Variants in PARP14 observed in about 807,000 individuals in gnomAD.
PARP14 encodes poly(ADP-ribose) polymerase family member 14.
In PARP14, 59 loss-of-function variants were observed where a neutral mutation model predicts 154.2. The ratio of observed to expected loss-of-function variants is 0.38; its 90% CI spans 0.31 to 0.48. The LOEUF (loss-of-function observed/expected upper bound fraction) is 0.48. Among genes scored for constraint, PARP14 ranks in the 20% least tolerant of loss-of-function variants. The pLI, the probability that PARP14 is intolerant of heterozygous loss-of-function variation, is 0.98. For synonymous variants in PARP14, 720 were observed against 780.5 expected (o/e 0.92, Z 1.29); for missense variants, 1,734 against 2,131.6 (o/e 0.81, Z 3.67).
At chr3:122,723,056 G>A (rs533936428) in intron 15 of PARP14, among the ~76,000 whole-genome samples, 23 of 151,678 alleles carry the variant, frequency 1.5e-4, no homozygotes, top group African/African-American at 4.4e-4. Context: ...CTGCCTCAGC[G>A]TCCCAAGTAG....
At chr3:122,695,397 TTTTC>T (rs1428033109) in intron 4 of PARP14, 25 bp from the exon 5 acceptor site, 2 of 1,108,224 alleles carry the variant, frequency 1.8e-6, no homozygotes, top group Admixed American at 4.8e-5. Flanking sequence ...AATTTACTGA[TTTTC>T]TTTCTTTTTT....
chr3:122,682,907 T>C (rs908847973), intron 1 of PARP14, among the ~76,000 whole-genome samples: 2 of 151,772 alleles, frequency 1.3e-5, no homozygotes, highest in African/African-American at 4.8e-5. Context: ...ACAAAAAAAT[T>C]AGCCGAGCGT....
intron 15 of PARP14, among the ~76,000 whole-genome samples, chr3:122,725,499 A>C (rs1401628865): frequency 6.6e-6 from 1 of 152,204 alleles, no homozygotes; most frequent in Non-Finnish European, 1.5e-5. Context: ...GCTTTTAATA[A>C]TAGTACATTC....
intron 5 of PARP14, among the ~76,000 whole-genome samples, chr3:122,697,654 A>G (rs948767037): frequency 3.3e-5 from 5 of 152,248 alleles, no homozygotes; most frequent in African/African-American, 1.2e-4. Context: ...AAAGGAAAAA[A>G]TTAGGCATTT....
At chr3:122,688,201 G>C (rs1451404715) in intron 3 of PARP14, among the ~76,000 whole-genome samples, 5 of 151,840 alleles carry the variant, frequency 3.3e-5, no homozygotes, top group Admixed American at 6.6e-5. Flanking sequence ...TCTTCTTCTT[G>C]GAAGATGCCA....
In PARP14 at chr3:122,700,337, G is replaced by A. The variant is rs1938921815; in HGVS notation, c.1783G>A (p.Ala595Thr). Residue 595 changes from alanine (A) to threonine (T), a missense_variant, in exon 6 of 17, where the codon GCC becomes ACC. This residue lies in a region of PARP14 where 1,646 missense variants were observed against 1,976.0 expected (regional missense o/e 0.83). Transcript: ENST00000474629. Reference protein sequence around the residue: ...LLEAEKQMLSALNYKRIEVEN... With the variant: ...LLEAEKQMLSTLNYKRIEVEN... ...AGAAGCAGAAAAGCAAATGCTCAGT[G>A]CCTTAAATTATAAGCGCATTGAAGT... is the stretch of plus-strand genomic sequence containing the variant. 2 of 1,613,586 alleles carry A rather than the reference G, an allele frequency of 1.2e-6. No homozygotes were observed. The highest frequency in any genetic ancestry group is 1.7e-6 in the Non-Finnish European group (2 of 1,179,756).
At chr3:122,708,162 A>G (rs1394246882) in intron 8 of PARP14, 28 bp from the exon 9 acceptor site, 9 of 1,259,318 alleles carry the variant, frequency 7.1e-6, no homozygotes, top group Non-Finnish European at 1.0e-5. Context: ...TGAGGAGTGT[A>G]ATGATCAACG....
chr3:122,717,703 T>C lies in PARP14; in HGVS notation c.4001-368T>C, dbSNP rs141421068. Among the ~76,000 whole-genome samples, 12 of 152,352 alleles carry C rather than the reference T, an allele frequency of 7.9e-5. No homozygotes were observed. The East Asian group carries it at 2.3e-3, about 29-fold the overall frequency. The stretch of plus-strand genomic sequence containing the variant: ...TCAACATATATTAGCATCTGCTTTT[T>C]ATGAAATTTCAAGGACACTAGCGAG... On this transcript the variant is annotated intron_variant, in intron 12 of 16. Coordinates refer to ENST00000474629, the MANE Select transcript of PARP14 (RefSeq NM_017554.3).
At chr3:122,698,245 T>C (rs1938842643) in intron 5 of PARP14, among the ~76,000 whole-genome samples, 1 of 152,236 alleles carries the variant, frequency 6.6e-6, no homozygotes, top group Non-Finnish European at 1.5e-5. Flanking sequence ...GACCCAATCA[T>C]ACACAAGGTG....
In PARP14 at chr3:122,700,984, C is replaced by A; in HGVS notation, c.2430C>A (p.Asp810Glu). 1 of 1,614,004 alleles carries A rather than the reference C, an allele frequency of 6.2e-7. No individual in the cohort carries two copies. Among genetic ancestry groups the A allele is most frequent in the Non-Finnish European group, 8.5e-7 (1 of 1,179,878 alleles). Residue 810 changes from aspartate to glutamate, a missense_variant, in exon 6 of 17, where the codon GAC (aspartate) becomes GAA (glutamate). This residue lies in a region of PARP14 where 1,646 missense variants were observed against 1,976.0 expected (regional missense o/e 0.83). Coordinates refer to ENST00000474629, the MANE Select transcript of PARP14 (RefSeq NM_017554.3). ...PGVVLIVQQGDLARLPVDVVV... is the reference protein window; with the variant it reads ...PGVVLIVQQGELARLPVDVVV... Reference sequence around the variant, plus strand: ...TTGTGCTGATTGTGCAGCAGGGTGACTTGGCACGGCTTCCTGTCGATGTGG... The same window carrying A: ...TTGTGCTGATTGTGCAGCAGGGTGAATTGGCACGGCTTCCTGTCGATGTGG...
At chr3:122,715,205 G>A (rs1932958969) in intron 12 of PARP14, among the ~76,000 whole-genome samples, 1 of 152,116 alleles carries the variant, frequency 6.6e-6, no homozygotes, top group Non-Finnish European at 1.5e-5. Context: ...GTCTCCTTCA[G>A]AGAGCTGGTC....
Position 122,714,306 on chromosome 3 carries a change from T to C in PARP14, c.3877T>C (p.Leu1293=). The C allele has an allele frequency of 6.2e-7, 1 of 1,602,386 alleles. No homozygotes were observed. Among genetic ancestry groups the C allele is most frequent in the Non-Finnish European group, 8.5e-7 (1 of 1,176,712 alleles). ...NDYIITGGGF[L]RCKNIIHVIG... is the part of the protein sequence containing the mutation. Reference sequence around the variant, plus strand: ...TTATATAATCACCGGAGGTGGATTTTTGAGGTGCAAGAATATCATTCATGT... The same window carrying C: ...TTATATAATCACCGGAGGTGGATTTCTGAGGTGCAAGAATATCATTCATGT... The change falls in exon 12 of 17, where the codon TTG becomes CTG. Residue 1293 remains leucine, a synonymous_variant. Transcript: ENST00000474629.
At chr3:122,718,050 T>C in intron 12 of PARP14, 21 bp from the exon 13 acceptor site, 1 of 1,605,328 alleles carries the variant, frequency 6.2e-7, no homozygotes, top group African/African-American at 1.3e-5. Context: ...CCTTCAGCAA[T>C]TTTATTATTT....
intron 15 of PARP14, among the ~76,000 whole-genome samples, chr3:122,724,635 T>C (rs867056187): frequency 2.6e-5 from 4 of 151,548 alleles, no homozygotes; most frequent in Admixed American, 1.3e-4. Context: ...AATTTAATGT[T>C]GAAAAAAAAA....
intron 1 of PARP14, among the ~76,000 whole-genome samples, chr3:122,682,664 G>C (rs749559326): frequency 4.6e-5 from 7 of 152,038 alleles, no homozygotes; most frequent in Non-Finnish European, 8.8e-5. Flanking sequence ...ATCCTTGACC[G>C]GCCCCAGCCC....
intron 15 of PARP14, among the ~76,000 whole-genome samples, chr3:122,723,181 C>T (rs1213811032): frequency 1.3e-5 from 2 of 152,102 alleles, no homozygotes; most frequent in Admixed American, 6.5e-5. Flanking sequence ...CTCAAGTGAT[C>T]CCCCCGCCTG....
intron 15 of PARP14, chr3:122,721,907 A>G (rs933028736): frequency 2.0e-5 from 3 of 152,384 alleles, no homozygotes; most frequent in Non-Finnish European, 4.4e-5. Context: ...TATACAAAGA[A>G]AAATGGTTAA....
At chr3:122,713,308 G>A in intron 9 of PARP14, 116 bp from the exon 10 acceptor site, 1 of 739,092 alleles carries the variant, frequency 1.4e-6, no homozygotes, top group East Asian at 2.7e-5. Context: ...AAAGACCAGA[G>A]GTCACAGAAA....
chr3:122,717,827 G>A (rs145165251), intron 12 of PARP14, among the ~76,000 whole-genome samples: 1 of 152,198 alleles, frequency 6.6e-6, no homozygotes, highest in Non-Finnish European at 1.5e-5. Context: ...GACACCAAAA[G>A]TCAGATTTCT....
Sources: gnomAD v4.1 joint callset for allele counts (sites outside exome capture counted in the v4.1 genomes callset) on GRCh38, gnomAD v4.1.1 for gene constraint, gnomAD v4.1.1 regional missense constraint, MANE v1.5 for transcripts, NCBI Gene and HGNC (gene_info 2026-07-23, HGNC 2026-07-21) for gene names.